TMEM132D: variants seen among roughly 807,000 people sequenced by gnomAD.
The protein encoded by TMEM132D is mature OL transmembrane protein.
In TMEM132D, 21 loss-of-function variants were observed where a neutral mutation model predicts 62.3. That is an observed-to-expected ratio of 0.34 (90% CI 0.24 to 0.49). The LOEUF is 0.49. TMEM132D is among the 20% of genes least tolerant of loss of function. The pLI, the probability that TMEM132D is intolerant of heterozygous loss-of-function variation, is 0.99. For missense variants in TMEM132D, 1,346 were observed against 1,402.8 expected, an observed-to-expected ratio of 0.96 and a Z score of 0.65; for synonymous variants, 621 against 575.6, an observed-to-expected ratio of 1.08 and a Z score of -1.13.
At chr12:129,798,098 T>G (rs1427605422) in intron 1 of TMEM132D, among the ~76,000 whole-genome samples, 1 of 152,344 alleles carries the variant, frequency 6.6e-6, no homozygotes, top group African/African-American at 2.4e-5. Flanking sequence ...CCATGTGATG[T>G]ACTGGCTTCC....
intron 2 of TMEM132D, among the ~76,000 whole-genome samples, chr12:129,687,543 C>T (rs1001596545): frequency 6.6e-6 from 1 of 151,992 alleles, no homozygotes; most frequent in Non-Finnish European, 1.5e-5. Flanking sequence ...AGGTTGTTTC[C>T]TCTTCCTCTG....
intron 2 of TMEM132D, among the ~76,000 whole-genome samples, chr12:129,541,811 T>C (rs1876591890): frequency 6.6e-6 from 1 of 152,110 alleles, no homozygotes; most frequent in African/African-American, 2.4e-5. Flanking sequence ...TGGTAGAAAA[T>C]CAATTTTAGC....
intron 3 of TMEM132D, among the ~76,000 whole-genome samples, chr12:129,449,138 A>T (rs1873192673): frequency 6.6e-6 from 1 of 152,218 alleles, no homozygotes; most frequent in South Asian, 2.1e-4. Context: ...TATTGTTAAG[A>T]GGGAAGACCC....
chr12:129,506,506 T>C (rs1032098153), intron 3 of TMEM132D, among the ~76,000 whole-genome samples: 2 of 152,094 alleles, frequency 1.3e-5, no homozygotes, highest in African/African-American at 2.4e-5. Flanking sequence ...GGTATAAAAA[T>C]AGGCACACAG....
chr12:129,501,454 C>T (rs1264645747), intron 3 of TMEM132D, among the ~76,000 whole-genome samples: 2 of 151,984 alleles, frequency 1.3e-5, no homozygotes, highest in African/African-American at 2.4e-5. Flanking sequence ...CCAGAATATC[C>T]TCATAGAAAT....
chr12:129,488,826 T>TA (rs1445593455), intron 3 of TMEM132D, among the ~76,000 whole-genome samples: 63 of 143,698 alleles, frequency 4.4e-4, no homozygotes, highest in African/African-American at 8.1e-4. Context: ...TTTGCATGGT[T>TA]AAAAAAAAAA....
chr12:129,272,670 T>A (rs1465713843), intron 4 of TMEM132D, among the ~76,000 whole-genome samples: 1 of 151,762 alleles, frequency 6.6e-6, no homozygotes, highest in Non-Finnish European at 1.5e-5. Flanking sequence ...CCCTTATAGA[T>A]TTTAGATATT....
chr12:129,337,857 G>A (rs773628987), intron 3 of TMEM132D, 40 bp from the exon 4 acceptor site: 1 of 1,559,016 alleles, frequency 6.4e-7, no homozygotes, highest in South Asian at 1.2e-5. Flanking sequence ...TTCAGGGACT[G>A]ATGAGGTATG....
chr12:129,204,072 A>T (rs1222341550), intron 5 of TMEM132D, among the ~76,000 whole-genome samples: 1 of 152,228 alleles, frequency 6.6e-6, no homozygotes, highest in African/African-American at 2.4e-5. Flanking sequence ...ATATCAGCCC[A>T]CACAAATGAG....
chr12:129,619,150 T>C (rs1466339877), intron 2 of TMEM132D, among the ~76,000 whole-genome samples: 2 of 152,164 alleles, frequency 1.3e-5, no homozygotes, highest in African/African-American at 4.8e-5. Context: ...GAGGGGATAA[T>C]GAGGCATGTC....
At chr12:129,694,441 T>C (rs948800074) in intron 2 of TMEM132D, among the ~76,000 whole-genome samples, 1 of 152,158 alleles carries the variant, frequency 6.6e-6, no homozygotes, top group African/African-American at 2.4e-5. Context: ...AAAATAAATA[T>C]GGCCTGAGAA....
At chr12:129,639,318 G>A (rs1305639458) in intron 2 of TMEM132D, among the ~76,000 whole-genome samples, 1 of 150,028 alleles carries the variant, frequency 6.7e-6, no homozygotes, top group Admixed American at 6.7e-5. Flanking sequence ...AGGAGGCAGA[G>A]GTTGCAGTGA....
intron 3 of TMEM132D, among the ~76,000 whole-genome samples, chr12:129,354,552 G>A (rs1465530492): frequency 6.6e-6 from 1 of 152,098 alleles, no homozygotes; most frequent in Non-Finnish European, 1.5e-5. Flanking sequence ...TCAAACTCCT[G>A]ACTTTGTGAT....
At chr12:129,580,009 C>A (rs550517716) in intron 2 of TMEM132D, among the ~76,000 whole-genome samples, 3 of 152,116 alleles carry the variant, frequency 2.0e-5, no homozygotes, top group Non-Finnish European at 4.4e-5. Context: ...AAAGACAAGA[C>A]GCATCATCAC....
At chr12:129,840,802 C>A (rs1873167981) in intron 1 of TMEM132D, among the ~76,000 whole-genome samples, 1 of 152,206 alleles carries the variant, frequency 6.6e-6, no homozygotes, top group African/African-American at 2.4e-5. Context: ...AACAAGGACC[C>A]CCGCCTCATG....
chr12:129,416,613 G>T (rs1276397049), intron 3 of TMEM132D, among the ~76,000 whole-genome samples: 1 of 152,156 alleles, frequency 6.6e-6, no homozygotes, highest in East Asian at 1.9e-4. Context: ...GTTAGAGAGG[G>T]CATCCTTGTC....
intron 3 of TMEM132D, among the ~76,000 whole-genome samples, chr12:129,490,596 ATTTTTTTTTTT>A (rs35535325): frequency 1.2e-3 from 88 of 71,114 alleles, no homozygotes; most frequent in African/African-American, 6.7e-3. Flanking sequence ...CGCCCGGCTA[ATTTTTTTTTTT>A]TTTTTTTTTT....
intron 1 of TMEM132D, among the ~76,000 whole-genome samples, chr12:129,890,757 T>C (rs1486496806): frequency 6.6e-6 from 1 of 152,306 alleles, no homozygotes; most frequent in Non-Finnish European, 1.5e-5. Flanking sequence ...GAGGGCAGAG[T>C]TAATCTCATA....
At chr12:129,484,226 T>C (rs775344352) in intron 3 of TMEM132D, among the ~76,000 whole-genome samples, 2 of 152,122 alleles carry the variant, frequency 1.3e-5, no homozygotes, top group Admixed American at 6.6e-5. Flanking sequence ...TGCCTTGGCC[T>C]CCCAAAGTGC....
Sources: gnomAD v4.1 joint callset for allele counts (sites outside exome capture counted in the v4.1 genomes callset) on GRCh38, gnomAD v4.1.1 for gene constraint, MANE v1.5 for transcripts, NCBI Gene and HGNC (gene_info 2026-07-23, HGNC 2026-07-21) for gene names.